DPP10: variants seen among roughly 807,000 people sequenced by gnomAD.
The protein encoded by DPP10 is dipeptidyl peptidase like 10, also known as inactive dipeptidyl peptidase 10.
In DPP10, 33 loss-of-function variants were observed where a neutral mutation model predicts 120.9. That is an observed-to-expected ratio of 0.27 (90% CI 0.21 to 0.37). The LOEUF (loss-of-function observed/expected upper bound fraction) is 0.37, where lower values mean the gene tolerates loss of function less well. Ranked by LOEUF, DPP10 falls within the 10% of genes least tolerant of loss-of-function variation. The pLI is 1.00. For missense variants in DPP10, 816 were observed against 942.8 expected, an observed-to-expected ratio of 0.87 and a Z score of 1.76; for synonymous variants, 337 against 326.1, an observed-to-expected ratio of 1.03 and a Z score of -0.36.
At chr2:115,792,624 G>C (rs1394904182) in intron 19 of DPP10, among the ~76,000 whole-genome samples, 2 of 149,882 alleles carry the variant, frequency 1.3e-5, no homozygotes, top group Non-Finnish European at 3.0e-5. Flanking sequence ...TTAATTCATT[G>C]TTTTTTTTTC....
chr2:115,166,022 A>G (rs2052812106), intron 1 of DPP10, among the ~76,000 whole-genome samples: 3 of 152,342 alleles, frequency 2.0e-5, no homozygotes, highest in South Asian at 4.1e-4. Flanking sequence ...TCAAATGTGT[A>G]ATGTGTAAAA....
intron 19 of DPP10, among the ~76,000 whole-genome samples, chr2:115,812,612 C>T (rs1686765926): frequency 6.6e-6 from 1 of 152,046 alleles, no homozygotes; most frequent in Non-Finnish European, 1.5e-5. Flanking sequence ...AATTAAAATA[C>T]ATTTAAAAAG....
chr2:114,527,604 T>C (rs1685607290), intron 1 of DPP10, among the ~76,000 whole-genome samples: 1 of 152,192 alleles, frequency 6.6e-6, no homozygotes, highest in East Asian at 1.9e-4. Context: ...AGAATTTTTA[T>C]ACACGGGGGA....
chr2:114,827,862 T>C (rs1686704965), intron 1 of DPP10, among the ~76,000 whole-genome samples: 1 of 152,148 alleles, frequency 6.6e-6, no homozygotes, highest in Non-Finnish European at 1.5e-5. Flanking sequence ...TCACGTCTCT[T>C]CCCCCTCCAG....
chr2:115,622,624 T>C (rs954545523), intron 5 of DPP10, among the ~76,000 whole-genome samples: 1 of 151,184 alleles, frequency 6.6e-6, no homozygotes, highest in South Asian at 2.1e-4. Context: ...TTTTGAAAAA[T>C]TGCCAAACTA....
At chr2:114,471,512 T>C (rs960691250) in intron 1 of DPP10, among the ~76,000 whole-genome samples, 3 of 152,210 alleles carry the variant, frequency 2.0e-5, no homozygotes, top group African/African-American at 7.2e-5. Flanking sequence ...TATTTTTAAT[T>C]ACCCATAGAA....
intron 1 of DPP10, among the ~76,000 whole-genome samples, chr2:115,123,315 G>A (rs534864545): frequency 3.3e-5 from 5 of 152,298 alleles, no homozygotes; most frequent in African/African-American, 9.6e-5. Context: ...TCTGTCCCTT[G>A]ATTTGAGGTT....
intron 1 of DPP10, among the ~76,000 whole-genome samples, chr2:114,956,050 C>T (rs2104678626): frequency 1.3e-5 from 2 of 152,088 alleles, no homozygotes; most frequent in East Asian, 1.9e-4. Flanking sequence ...CAAGGATGCC[C>T]ACTCTCACCA....
At chr2:114,817,504 G>C (rs1685737927) in intron 1 of DPP10, among the ~76,000 whole-genome samples, 2 of 152,204 alleles carry the variant, frequency 1.3e-5, no homozygotes, top group Admixed American at 6.5e-5. Context: ...CCAGAGTCCA[G>C]TGAGAACTGA....
chr2:114,991,525 G>T (rs1700753937), intron 1 of DPP10, among the ~76,000 whole-genome samples: 1 of 152,134 alleles, frequency 6.6e-6, no homozygotes, highest in African/African-American at 2.4e-5. Flanking sequence ...TGATACAATA[G>T]ATTTCTATTT....
intron 3 of DPP10, among the ~76,000 whole-genome samples, chr2:115,410,687 A>C (rs2068884911): frequency 6.6e-6 from 1 of 152,188 alleles, no homozygotes; most frequent in Admixed American, 6.5e-5. Flanking sequence ...GAGGAAGGTG[A>C]GGGATAAAAG....
chr2:115,190,755 C>A (rs985304823), intron 1 of DPP10, among the ~76,000 whole-genome samples: 1 of 152,140 alleles, frequency 6.6e-6, no homozygotes, highest in Non-Finnish European at 1.5e-5. Context: ...GTGAGAGAAC[C>A]GCCCAAGTGG....
chr2:114,511,090 C>A (rs1055755526), intron 1 of DPP10, among the ~76,000 whole-genome samples: 18 of 152,098 alleles, frequency 1.2e-4, no homozygotes, highest in Non-Finnish European at 2.5e-4. Context: ...TGGGGACTAA[C>A]AATTCAATCT....
At chr2:115,724,222 C>T (rs2092714080) in intron 7 of DPP10, among the ~76,000 whole-genome samples, 1 of 152,116 alleles carries the variant, frequency 6.6e-6, no homozygotes, top group Admixed American at 6.5e-5. Context: ...TCATTTCTTG[C>T]CACATGTTCA....
chr2:115,317,517 C>G (rs1459338476), intron 2 of DPP10, among the ~76,000 whole-genome samples: 2 of 152,076 alleles, frequency 1.3e-5, no homozygotes, highest in Non-Finnish European at 2.9e-5. Context: ...ATGGTAATTT[C>G]TGTGTTTAAA....
At chr2:115,470,323 AC>A (rs200671659) in intron 3 of DPP10, among the ~76,000 whole-genome samples, 3 of 152,144 alleles carry the variant, frequency 2.0e-5, no homozygotes, top group East Asian at 3.9e-4. Flanking sequence ...TTAGAGGACA[AC>A]CCAACGTTTT....
intron 1 of DPP10, among the ~76,000 whole-genome samples, chr2:114,826,820 G>A (rs1312402333): frequency 1.3e-5 from 2 of 152,320 alleles, no homozygotes; most frequent in Non-Finnish European, 1.5e-5. Flanking sequence ...GAGCCACCGT[G>A]CTGGGCCAAG....
intron 5 of DPP10, among the ~76,000 whole-genome samples, chr2:115,577,209 C>A (rs1188119938): frequency 6.6e-6 from 1 of 152,152 alleles, no homozygotes; most frequent in Non-Finnish European, 1.5e-5. Context: ...GATAGTCAGT[C>A]TAGAGGAAGA....
chr2:114,524,175 T>C (rs1685299616), intron 1 of DPP10, among the ~76,000 whole-genome samples: 1 of 152,150 alleles, frequency 6.6e-6, no homozygotes, highest in African/African-American at 2.4e-5. Flanking sequence ...TTTCAAGAAA[T>C]ACAGGTGAAG....
Sources: allele counts gnomAD v4.1 joint callset (sites outside exome capture counted in the v4.1 genomes callset), GRCh38; gene constraint gnomAD v4.1.1; transcripts MANE v1.5; gene names NCBI Gene and HGNC (gene_info 2026-07-23, HGNC 2026-07-21).